MCC: variants seen among roughly 807,000 people sequenced by gnomAD.
The protein encoded by MCC is MCC regulator of Wnt signaling pathway.
Under a neutral mutation model 116.2 loss-of-function variants are expected in MCC, and 90 were observed. That is an observed-to-expected ratio of 0.77 (90% CI 0.65 to 0.92). The LOEUF is 0.92. Ranked by LOEUF, MCC falls within the 40% of genes least tolerant of loss-of-function variation. MCC has a pLI of 0.00. For missense variants in MCC, 1,516 were observed against 1,312.2 expected (o/e 1.16, Z -2.40); for synonymous variants, 578 against 510.5 (o/e 1.13, Z -1.78).
chr5:113,415,432 A>T (rs1770117049), intron 1 of MCC, among the ~76,000 whole-genome samples: 1 of 152,102 alleles, frequency 6.6e-6, no homozygotes, highest in Non-Finnish European at 1.5e-5. Context: ...GTCTTTTCAC[A>T]TAGTCCCGTA....
chr5:113,164,750 C>A (rs577140287), intron 3 of MCC, among the ~76,000 whole-genome samples: 159 of 152,292 alleles, frequency 1.0e-3, no homozygotes, highest in Non-Finnish European at 2.1e-3. Context: ...ATTTTGAGAT[C>A]CCATATCTGG....
At chr5:113,301,276 A>C (rs2150364801) in intron 3 of MCC, among the ~76,000 whole-genome samples, 1 of 152,066 alleles carries the variant, frequency 6.6e-6, no homozygotes, top group African/African-American at 2.4e-5. Context: ...GACCAGCCTG[A>C]CCAACATGGA....
intron 17 of MCC, among the ~76,000 whole-genome samples, chr5:113,031,414 G>A (rs1316231835): frequency 5.6e-5 from 5 of 89,840 alleles, no homozygotes. Flanking sequence ...CTCCCCACCC[G>A]CCCCCCAACA....
chr5:113,305,431 G>A (rs75677481), intron 3 of MCC, among the ~76,000 whole-genome samples: 3,150 of 152,306 alleles, frequency 0.021, 35 homozygotes, highest in Middle Eastern at 0.027. Flanking sequence ...CATGTTTAAA[G>A]CAGAATTTGT....
intron 1 of MCC, among the ~76,000 whole-genome samples, chr5:113,394,699 C>T (rs1484616048): frequency 6.6e-6 from 1 of 152,208 alleles, no homozygotes; most frequent in Non-Finnish European, 1.5e-5. Flanking sequence ...TCTTCTGTAT[C>T]TCACATAACT....
chr5:113,142,305 A>G lies in MCC; in HGVS notation c.884+913T>C, dbSNP rs575408146. Among the ~76,000 whole-genome samples the G allele has an allele frequency of 2.6e-4, 39 of 151,966 alleles. 1 individual carries two copies. Among genetic ancestry groups the G allele is most frequent in the African/African-American group, 8.2e-4 (34 of 41,524 alleles). ...TGGTGAACAAAGCGCTCTTTCTCCA[A>G]AAAGGTAGGTGCCAGCCACTTGCTG... On this transcript the variant is annotated intron_variant, in intron 5 of 18. Coordinates refer to ENST00000408903, the MANE Select transcript of MCC (RefSeq NM_001085377.2).
At chr5:113,469,052 G>C (rs1580416324) in intron 1 of MCC, among the ~76,000 whole-genome samples, 1 of 152,058 alleles carries the variant, frequency 6.6e-6, no homozygotes, top group Non-Finnish European at 1.5e-5. Flanking sequence ...TTTTTATTGT[G>C]TCTATTTGAT....
chr5:113,322,678 T>C (rs997825618), intron 3 of MCC, among the ~76,000 whole-genome samples: 1 of 152,240 alleles, frequency 6.6e-6, no homozygotes, highest in Non-Finnish European at 1.5e-5. Context: ...AAGAGTTTCC[T>C]ACTTATTCCA....
intron 2 of MCC, among the ~76,000 whole-genome samples, chr5:113,354,730 G>A (rs547381320): frequency 5.3e-5 from 8 of 149,932 alleles, no homozygotes; most frequent in East Asian, 1.9e-4. Context: ...CACCGTGCCC[G>A]GCCCCTTTTT....
chr5:113,209,237 T>C (rs916519776), intron 3 of MCC, among the ~76,000 whole-genome samples: 1 of 152,238 alleles, frequency 6.6e-6, no homozygotes, highest in Admixed American at 6.5e-5. Context: ...TAGGGAACAG[T>C]TGACATGTTT....
intron 14 of MCC, among the ~76,000 whole-genome samples, chr5:113,059,043 G>A (rs1753029793): frequency 6.6e-6 from 1 of 152,156 alleles, no homozygotes. Flanking sequence ...GAGACTGACA[G>A]GCGCTGCCAC....
intron 3 of MCC, among the ~76,000 whole-genome samples, chr5:113,187,578 A>G (rs1761952825): frequency 6.6e-6 from 1 of 151,784 alleles, no homozygotes; most frequent in African/African-American, 2.4e-5. Context: ...ATACTGTGAA[A>G]CCCCGTCTCT....
intron 1 of MCC, among the ~76,000 whole-genome samples, chr5:113,402,277 G>C (rs1480226976): frequency 7.3e-6 from 1 of 137,742 alleles, no homozygotes; most frequent in African/African-American, 2.9e-5. Context: ...CTGGGCAACA[G>C]AGCCAGACTC....
At chr5:113,339,513 G>T (rs1303351166) in intron 3 of MCC, among the ~76,000 whole-genome samples, 1 of 151,298 alleles carries the variant, frequency 6.6e-6, no homozygotes, top group East Asian at 1.9e-4. Flanking sequence ...ATTCCATTTA[G>T]TTGTCGTATT....
At chr5:113,401,045 A>G (rs1310304527) in intron 1 of MCC, among the ~76,000 whole-genome samples, 1 of 152,228 alleles carries the variant, frequency 6.6e-6, no homozygotes, top group African/African-American at 2.4e-5. Flanking sequence ...GAAGAGACCT[A>G]ATACATAGGT....
At chr5:113,203,303 G>C (rs902215213) in intron 3 of MCC, 1 of 152,244 alleles carries the variant, frequency 6.6e-6, no homozygotes, top group South Asian at 2.1e-4. Context: ...GGCACAGTCC[G>C]GGGTTGGTCT....
chr5:113,368,067 T>C (rs1196059435), intron 2 of MCC, among the ~76,000 whole-genome samples: 1 of 152,192 alleles, frequency 6.6e-6, no homozygotes, highest in African/African-American at 2.4e-5. Context: ...CATTTCCAAA[T>C]ACAGAAAATA....
intron 3 of MCC, among the ~76,000 whole-genome samples, chr5:113,270,389 T>C (rs1175155512): frequency 6.6e-6 from 1 of 151,952 alleles, no homozygotes; most frequent in Non-Finnish European, 1.5e-5. Flanking sequence ...GGACTAAGCC[T>C]TTCACTGATA....
intron 1 of MCC, among the ~76,000 whole-genome samples, chr5:113,412,718 C>G (rs1295722290): frequency 6.6e-6 from 1 of 152,184 alleles, no homozygotes; most frequent in Non-Finnish European, 1.5e-5. Context: ...CATCTGTAAA[C>G]AGGGACAATT....
Sources: gnomAD v4.1 joint callset for allele counts (sites outside exome capture counted in the v4.1 genomes callset) on GRCh38, gnomAD v4.1.1 for gene constraint, MANE v1.5 for transcripts, NCBI Gene and HGNC (gene_info 2026-07-23, HGNC 2026-07-21) for gene names.